The following GRM7 variants were observed in gnomAD, a reference collection of about 807,000 sequenced individuals.
GRM7 encodes metabotropic glutamate receptor 7.
A neutral mutation model predicts 84.5 loss-of-function variants in GRM7; 35 were observed. The observed-to-expected ratio is 0.41, with a 90% CI of 0.32 to 0.55. The LOEUF (loss-of-function observed/expected upper bound fraction) is 0.55, where lower values mean the gene tolerates loss of function less well. GRM7 is among the 20% of genes least tolerant of loss of function. The pLI is 0.19. For synonymous variants in GRM7, 487 were observed against 455.1 expected, an observed-to-expected ratio of 1.07 and a Z score of -0.89; for missense variants, 1,003 against 1,194.6, an observed-to-expected ratio of 0.84 and a Z score of 2.36.
chr3:7,642,376 T>C (rs1698404067), intron 8 of GRM7, among the ~76,000 whole-genome samples: 1 of 152,170 alleles, frequency 6.6e-6, no homozygotes, highest in South Asian at 2.1e-4. Context: ...TAGACATGCA[T>C]ATCGTGCACT....
At chr3:7,137,498 C>G (rs1266406857) in intron 1 of GRM7, among the ~76,000 whole-genome samples, 1 of 152,030 alleles carries the variant, frequency 6.6e-6, no homozygotes, top group Non-Finnish European at 1.5e-5. Context: ...GAATTGCTCT[C>G]AAACCTTGAT....
intron 4 of GRM7, among the ~76,000 whole-genome samples, chr3:7,363,847 C>T (rs11719710): frequency 0.54 from 81,814 of 151,782 alleles, 22,253 homozygotes; most frequent in African/African-American, 0.61. Flanking sequence ...AAATTATTAC[C>T]ATTTTAGTTT....
chr3:7,241,017 AACTCT>A (rs936757326), intron 2 of GRM7, among the ~76,000 whole-genome samples: 8 of 152,156 alleles, frequency 5.3e-5, no homozygotes, highest in Non-Finnish European at 1.0e-4. Context: ...AGGATTGTGT[AACTCT>A]ACTCTATGAT....
chr3:7,726,627 A>C (rs1397318854), intron 9 of GRM7, among the ~76,000 whole-genome samples: 1,697 of 50,410 alleles, frequency 0.034, 129 homozygotes, highest in African/African-American at 0.13. Flanking sequence ...ATATATATAT[A>C]TATATATATA....
At chr3:6,964,916 A>G (rs1471913131) in intron 1 of GRM7, among the ~76,000 whole-genome samples, 1 of 152,038 alleles carries the variant, frequency 6.6e-6, no homozygotes, top group Admixed American at 6.6e-5. Context: ...TGTCCCTTGA[A>G]TTTATGTTTG....
intron 1 of GRM7, among the ~76,000 whole-genome samples, chr3:6,973,723 G>A (rs769874183): frequency 3.3e-5 from 5 of 152,180 alleles, no homozygotes; most frequent in Non-Finnish European, 7.3e-5. Context: ...GAGTATGAAT[G>A]TGCCTAGAAT....
At chr3:7,014,721 T>C (rs1038018480) in intron 1 of GRM7, among the ~76,000 whole-genome samples, 7 of 152,208 alleles carry the variant, frequency 4.6e-5, no homozygotes. Flanking sequence ...GTCTCCTTGA[T>C]TGTAAATTTC....
intron 7 of GRM7, among the ~76,000 whole-genome samples, chr3:7,557,011 G>A (rs1332213682): frequency 1.3e-5 from 2 of 152,156 alleles, no homozygotes; most frequent in South Asian, 2.1e-4. Flanking sequence ...TAACTTATGA[G>A]CAATGAAAAC....
At position 7,130,939 on chromosome 3, in the gene GRM7, T is replaced by TCACACA. The variant is rs576425087; in HGVS notation, c.520-15497_520-15492dup. ...TTACAGGAGGTATTTCTTCACTCAC[T>TCACACA]CACACACACACACACACACACGCAC... On this transcript the variant is annotated intron_variant, in intron 1 of 9. Transcript: ENST00000357716. Among the ~76,000 whole-genome samples, 14 of 149,002 alleles carry TCACACA rather than the reference T, an allele frequency of 9.4e-5. No homozygotes were observed. The South Asian group carries it at 1.7e-3, about 18-fold the overall frequency.
intron 4 of GRM7, among the ~76,000 whole-genome samples, chr3:7,370,161 T>A (rs144559297): frequency 1.8e-4 from 28 of 152,302 alleles, no homozygotes; most frequent in African/African-American, 4.1e-4. Flanking sequence ...AAAAGGTTTT[T>A]TTGGGTATCT....
intron 4 of GRM7, among the ~76,000 whole-genome samples, chr3:7,393,340 C>T (rs1475596841): frequency 6.6e-6 from 1 of 152,150 alleles, no homozygotes; most frequent in African/African-American, 2.4e-5. Context: ...GTGTGAGCTT[C>T]AGGTGGCTTT....
intron 1 of GRM7, among the ~76,000 whole-genome samples, chr3:7,010,739 A>G (rs1040793574): frequency 3.3e-5 from 5 of 152,170 alleles, no homozygotes; most frequent in African/African-American, 9.6e-5. Flanking sequence ...TTTGTCCAGG[A>G]GAGACTTGCA....
intron 2 of GRM7, among the ~76,000 whole-genome samples, chr3:7,261,908 C>CCCTCCCTCCCTT: frequency 7.1e-6 from 1 of 141,098 alleles, no homozygotes; most frequent in African/African-American, 2.6e-5. Flanking sequence ...CTCCCTCCCT[C>CCCTCCCTCCCTT]CCTCCCTTCC....
intron 4 of GRM7, among the ~76,000 whole-genome samples, chr3:7,321,616 T>G (rs779993046): frequency 1.3e-5 from 2 of 151,972 alleles, no homozygotes; most frequent in Admixed American, 6.6e-5. Flanking sequence ...ATGTTTGTTT[T>G]TTTTTTCTCC....
intron 1 of GRM7, among the ~76,000 whole-genome samples, chr3:6,891,533 T>A (rs1486757748): frequency 6.6e-6 from 1 of 152,212 alleles, no homozygotes; most frequent in African/African-American, 2.4e-5. Flanking sequence ...TTGAAAATTC[T>A]TTTCTTTAGG....
intron 2 of GRM7, among the ~76,000 whole-genome samples, chr3:7,190,339 C>A (rs545123085): frequency 6.6e-6 from 1 of 152,016 alleles, no homozygotes; most frequent in African/African-American, 2.4e-5. Context: ...TTATTCTCAG[C>A]GTACAGTGTT....
chr3:7,312,886 C>G (rs765147611), intron 4 of GRM7, among the ~76,000 whole-genome samples: 7 of 151,930 alleles, frequency 4.6e-5, no homozygotes, highest in Admixed American at 6.6e-5. Flanking sequence ...ATGCAGTGAC[C>G]CTTCTCACAT....
intron 9 of GRM7, among the ~76,000 whole-genome samples, chr3:7,724,558 G>A (rs1213182121): frequency 6.6e-6 from 1 of 152,196 alleles, no homozygotes; most frequent in Admixed American, 6.5e-5. Context: ...ACTCATGGAA[G>A]CAGATAAGGA....
At chr3:7,180,981 C>T (rs1353779432) in intron 2 of GRM7, among the ~76,000 whole-genome samples, 1 of 152,102 alleles carries the variant, frequency 6.6e-6, no homozygotes, top group African/African-American at 2.4e-5. Flanking sequence ...GTAAAACATC[C>T]CATGCTCATT....
Sources: gnomAD v4.1 joint callset for allele counts (sites outside exome capture counted in the v4.1 genomes callset) on GRCh38, gnomAD v4.1.1 for gene constraint, MANE v1.5 for transcripts, NCBI Gene and HGNC (gene_info 2026-07-23, HGNC 2026-07-21) for gene names.